Variants in KLF13 observed in about 807,000 individuals in gnomAD.
The protein encoded by KLF13 is KLF transcription factor 13.
KLF13 carries 8 observed loss-of-function variants against 16.7 expected under a neutral mutation model. That is an observed-to-expected ratio of 0.48 (90% CI 0.28 to 0.87). The LOEUF is 0.87. Ranked by LOEUF, KLF13 falls within the 40% of genes least tolerant of loss-of-function variation. KLF13 has a pLI of 0.10. For missense variants in KLF13, 447 were observed against 452.2 expected (o/e 0.99, Z 0.10); for synonymous variants, 245 against 208.4 (o/e 1.18, Z -1.51).
chr15:31,369,125 G>A (rs1232230453), intron 1 of KLF13, among the ~76,000 whole-genome samples: 2 of 152,106 alleles, frequency 1.3e-5, no homozygotes, highest in Non-Finnish European at 1.5e-5. Context: ...TACTTATTTT[G>A]TTGACTATCT....
chr15:31,356,569 A>G (rs1295243403), intron 1 of KLF13, among the ~76,000 whole-genome samples: 1 of 152,238 alleles, frequency 6.6e-6, no homozygotes. Flanking sequence ...AAGTGAGAAC[A>G]TGCAGTGTTT....
At chr15:31,340,945 G>A (rs554571046) in intron 1 of KLF13, among the ~76,000 whole-genome samples, 2 of 152,294 alleles carry the variant, frequency 1.3e-5, no homozygotes, top group South Asian at 4.1e-4. Flanking sequence ...CAAAACATGA[G>A]CACACTTGGG....
chr15:31,427,204 C>T (rs773882794), intron 1 of KLF13, among the ~76,000 whole-genome samples: 3 of 152,138 alleles, frequency 2.0e-5, no homozygotes, highest in Admixed American at 6.5e-5. Flanking sequence ...ATCCATCCAT[C>T]TCTCACTGGT....
intron 1 of KLF13, among the ~76,000 whole-genome samples, chr15:31,332,958 T>C (rs2038857942): frequency 6.6e-6 from 1 of 152,186 alleles, no homozygotes; most frequent in Non-Finnish European, 1.5e-5. Flanking sequence ...GACCCTGGAA[T>C]AATGAACACT....
intron 1 of KLF13, among the ~76,000 whole-genome samples, chr15:31,333,542 T>G (rs1409630285): frequency 6.6e-6 from 1 of 152,150 alleles, no homozygotes; most frequent in Non-Finnish European, 1.5e-5. Flanking sequence ...TGCCACATTT[T>G]TCTCCTTTCC....
chr15:31,353,977 T>G (rs1368803427), intron 1 of KLF13, among the ~76,000 whole-genome samples: 1 of 152,232 alleles, frequency 6.6e-6, no homozygotes, highest in African/African-American at 2.4e-5. Context: ...CTAACTCCCC[T>G]GAGCCCTTCA....
chr15:31,381,521 C>T (rs989006645), downstream of KLF13, among the ~76,000 whole-genome samples: 1 of 152,154 alleles, frequency 6.6e-6, no homozygotes, highest in Non-Finnish European at 1.5e-5. Flanking sequence ...CAGGCTGCCC[C>T]CAACCCTGAA....
chr15:31,339,052 C>A (rs2038980333), intron 1 of KLF13, among the ~76,000 whole-genome samples: 1 of 152,066 alleles, frequency 6.6e-6, no homozygotes, highest in Non-Finnish European at 1.5e-5. Flanking sequence ...TCTGGGGATG[C>A]CCTGGCGGCC....
chr15:31,386,342 A>G (rs1404650063), intron 1 of KLF13, among the ~76,000 whole-genome samples: 2 of 152,216 alleles, frequency 1.3e-5, no homozygotes, highest in African/African-American at 4.8e-5. Flanking sequence ...TACTAAAAGT[A>G]CAAAAAATTA....
intron 1 of KLF13, among the ~76,000 whole-genome samples, chr15:31,415,817 G>A (rs900055378): frequency 1.4e-4 from 22 of 151,806 alleles, no homozygotes; most frequent in African/African-American, 5.3e-4. Context: ...AAAAACAATA[G>A]ATGGACAATA....
At chr15:31,342,222 G>A (rs2039036755) in intron 1 of KLF13, among the ~76,000 whole-genome samples, 1 of 152,138 alleles carries the variant, frequency 6.6e-6, no homozygotes, top group Admixed American at 6.5e-5. Context: ...GTCTTACAGG[G>A]ACAGGAGAGA....
At chr15:31,344,804 T>C (rs898600090) in intron 1 of KLF13, among the ~76,000 whole-genome samples, 1 of 150,494 alleles carries the variant, frequency 6.6e-6, no homozygotes, top group African/African-American at 2.4e-5. Context: ...TGGGGCAGGA[T>C]GAGGGTGGGA....
At chr15:31,346,390 C>G (rs1373283666) in intron 1 of KLF13, among the ~76,000 whole-genome samples, 1 of 152,198 alleles carries the variant, frequency 6.6e-6, no homozygotes, top group South Asian at 2.1e-4. Context: ...CTAACCTGAC[C>G]CTTTGGTAAA....
At chr15:31,409,714 T>A (rs1427954678), downstream of KLF13, among the ~76,000 whole-genome samples, 1 of 152,128 alleles carries the variant, frequency 6.6e-6, no homozygotes, top group African/African-American at 2.4e-5. Flanking sequence ...GCAAGCCAGA[T>A]TACAATAAAG....
chr15:31,435,552 T>C (rs1167468856), exon 2 of KLF13: 1 of 152,168 alleles, frequency 6.6e-6, no homozygotes, highest in Non-Finnish European at 1.5e-5. Flanking sequence ...CCCCAGACCT[T>C]CCGATCCTGT....
intron 1 of KLF13, among the ~76,000 whole-genome samples, chr15:31,359,778 T>C (rs2039353869): frequency 6.6e-6 from 1 of 152,172 alleles, no homozygotes; most frequent in African/African-American, 2.4e-5. Flanking sequence ...GCAGCTCACA[T>C]TGGTGGTTCA....
chr15:31,381,029 G>A (rs949798993), downstream of KLF13, among the ~76,000 whole-genome samples: 6 of 151,974 alleles, frequency 3.9e-5, no homozygotes, highest in East Asian at 1.9e-4. Context: ...AAAATTAGCC[G>A]GGCATGGTGG....
Position 31,327,272 on chromosome 15 carries a change from C to T in KLF13, c.60C>T (p.Ser20=), listed in dbSNP as rs1319782960. ...FAAECLVSMS[S]RAVVHGPREG... is the part of the protein sequence containing the mutation. ...CCGAGTGCCTCGTGTCCATGTCGAG[C>T]CGCGCGGTCGTGCACGGGCCGCGGG... Residue 20 remains serine (S), a synonymous_variant, in exon 1 of 2, where the codon AGC becomes AGT. Coordinates refer to ENST00000307145, the MANE Select transcript of KLF13 (RefSeq NM_015995.4). 14 of 1,370,706 alleles carry T rather than the reference C, an allele frequency of 1.0e-5. No individual in the cohort carries two copies. The highest frequency in any genetic ancestry group is 3.2e-5 in the Admixed American group (1 of 31,680). The allele number at this position is 1,370,706 out of a possible 1,614,324, so 84.9% of individuals were successfully genotyped here. A position where few individuals can be genotyped will look rare whatever the true frequency, so the allele number is the denominator to read the frequency against.
Position 31,401,437 on chromosome 15 carries a change from G to A in KLF13, n.530-1991G>A, listed in dbSNP as rs567201692. Among the ~76,000 whole-genome samples, 14 of 152,344 alleles carry A rather than the reference G, an allele frequency of 9.2e-5. No homozygotes were observed. In the South Asian group the frequency reaches 1.0e-3, roughly 11 times the overall value. On this transcript the variant is annotated intron_variant and non_coding_transcript_variant, in intron 2 of 2. Transcript: ENST00000500533. ...GCTGGCTTGAGTCAGGGCAAGGCAC[G>A]GGTAGGGGTGAAGTGGGTAGTGGGC...
Sources: allele counts gnomAD v4.1 joint callset (sites outside exome capture counted in the v4.1 genomes callset), GRCh38; gene constraint gnomAD v4.1.1; transcripts MANE v1.5; gene names NCBI Gene and HGNC (gene_info 2026-07-23, HGNC 2026-07-21).